The following VSIR variants were observed in gnomAD, a reference collection of about 807,000 sequenced individuals.
The protein encoded by VSIR is V-type immunoglobulin domain-containing suppressor of T-cell activation.
In VSIR, 10 loss-of-function variants were observed where a neutral mutation model predicts 31.0. The ratio of observed to expected loss-of-function variants is 0.32; its 90% CI spans 0.20 to 0.55. The LOEUF (loss-of-function observed/expected upper bound fraction) is 0.55. Among genes scored for constraint, VSIR ranks in the 20% least tolerant of loss-of-function variants. The pLI is 0.93. For synonymous variants in VSIR, 179 were observed against 180.1 expected (o/e 0.99, Z 0.05); for missense variants, 356 against 416.2 (o/e 0.86, Z 1.26).
Position 71,755,441 on chromosome 10 carries a change from C to T in VSIR, c.594G>A (p.Thr198=), listed in dbSNP as rs139011277. 26 of 1,612,602 alleles carry T rather than the reference C, an allele frequency of 1.6e-5. No individual in the cohort carries two copies. The highest frequency in any genetic ancestry group is 8.9e-5 in the East Asian group (4 of 44,846). Residue 198 remains threonine, a synonymous_variant, in exon 4 of 7, where the codon ACG becomes ACA. Coordinates refer to ENST00000394957, the MANE Select transcript of VSIR (RefSeq NM_022153.2). ...SENITAAALA[T]GACIVGILCL... is the part of the protein sequence containing the mutation. ...AGAGGATTCCTACGATGCAGGCACCCGTAGCCAGGGCTGCAGCCGTGATGT... is the reference window on the plus strand; with the variant it reads ...AGAGGATTCCTACGATGCAGGCACCTGTAGCCAGGGCTGCAGCCGTGATGT...
At chr10:71,761,316 T>A (rs1840377742) in intron 2 of VSIR, among the ~76,000 whole-genome samples, 1 of 152,196 alleles carries the variant, frequency 6.6e-6, no homozygotes, top group Admixed American at 6.5e-5. Context: ...GATGTCATCA[T>A]GAGCAGTCAC....
Position 71,761,622 on chromosome 10 carries a change from C to A in VSIR, c.487G>T (p.Ala163Ser). ...CCTGTCTGCACCTGCAGCTCCATGG[C>A]ACCATGGACCCTGTGCTCCGAGTGG... ...HHHSEHRVHG[A>S]MELQVQTGKD... The change falls in exon 2 of 7, where the codon GCC (alanine) becomes TCC (serine). Residue 163 changes from alanine (A) to serine (S), a missense_variant. Ala to Ser is a moderately conservative substitution (Grantham distance 99). Around this residue, in one of 2 missense-constraint regions of VSIR, gnomAD observed 166 missense variants for 231.0 expected, o/e 0.72. Transcript: ENST00000394957. 1.2e-6 allele frequency: 2 copies of A among 1,600,932 alleles called. No individual in the cohort carries two copies. Among genetic ancestry groups the A allele is most frequent in the Non-Finnish European group, 1.7e-6 (2 of 1,172,732 alleles).
Position 71,773,372 on chromosome 10 carries a change from A to C in VSIR, c.68T>G (p.Leu23Arg), listed in dbSNP as rs1840732071. 1 of 1,609,474 alleles carries C rather than the reference A, an allele frequency of 6.2e-7. No individual in the cohort carries two copies. The highest frequency in any genetic ancestry group is 1.7e-5 in the Admixed American group (1 of 59,646). The stretch of plus-strand genomic sequence containing the variant: ...CCCGACCTTACCTAGGGACGCAGCC[A>C]GGAAGAGAGCGAAGAGCAGGGATCC... ...RWGSLLFALF[L>R]AASLGPVAAF... The change falls in exon 1 of 7, where the codon CTG becomes CGG. Residue 23 changes from leucine (L) to arginine (R), a missense_variant. Physicochemically the swap from Leu to Arg is moderately radical, Grantham distance 102. Around this residue, in one of 2 missense-constraint regions of VSIR, gnomAD observed 166 missense variants for 231.0 expected, o/e 0.72. Transcript: ENST00000394957.
intron 3 of VSIR, among the ~76,000 whole-genome samples, chr10:71,758,537 C>T (rs899496280): frequency 7.2e-5 from 11 of 152,310 alleles, no homozygotes; most frequent in Middle Eastern, 3.4e-3. Context: ...TGGCAAGCAC[C>T]GGGGGGCTAA....
intron 3 of VSIR, among the ~76,000 whole-genome samples, chr10:71,759,964 T>TACATACATATATATACACACACAC (rs1840281567): frequency 3.4e-5 from 2 of 59,436 alleles, no homozygotes; most frequent in African/African-American, 9.4e-5. Context: ...TACACACACA[T>TACATACATATATATACACACACAC]ATATATACAC....
rs763996933 is a variant in VSIR at position 71,752,991 on chromosome 10, G to T, written c.688C>A (p.Leu230Met). The T allele has an allele frequency of 3.1e-6, 5 of 1,613,054 alleles. No individual in the cohort carries two copies. Among genetic ancestry groups the T allele is most frequent in the Non-Finnish European group, 3.4e-6 (4 of 1,179,458 alleles). ...QAASNRRAQELVRMDSNIQGI... is the reference protein window; with the variant it reads ...QAASNRRAQEMVRMDSNIQGI... ...GGGCCTTACCTGTCCATCCGCACCA[G>T]CTCCTGGGCACCTAGGGACAGACAG... Residue 230 changes from leucine (L) to methionine (M), a missense_variant, in exon 5 of 7, where the codon CTG (leucine) becomes ATG (methionine). By Grantham distance (15) the Leu-to-Met change is conservative. Around this residue, in one of 2 missense-constraint regions of VSIR, gnomAD observed 190 missense variants for 185.2 expected, o/e 1.03. Coordinates refer to ENST00000394957, the MANE Select transcript of VSIR (RefSeq NM_022153.2).
At chr10:71,764,919 A>AC (rs1265431063) in intron 1 of VSIR, among the ~76,000 whole-genome samples, 2 of 152,088 alleles carry the variant, frequency 1.3e-5, no homozygotes, top group African/African-American at 4.8e-5. Context: ...CACTGCCCTT[A>AC]CCCCTGCAGC....
At chr10:71,768,162 T>TTGC (rs1438361218) in intron 1 of VSIR, among the ~76,000 whole-genome samples, 1 of 152,192 alleles carries the variant, frequency 6.6e-6, no homozygotes, top group Non-Finnish European at 1.5e-5. Context: ...GTTGGCTTTG[T>TTGC]TGCTGTTGTT....
At chr10:71,772,316 G>A (rs551593490) in intron 1 of VSIR, among the ~76,000 whole-genome samples, 2 of 152,214 alleles carry the variant, frequency 1.3e-5, no homozygotes, top group African/African-American at 2.4e-5. Context: ...ATTCCATCCT[G>A]CCCACTGGGT....
chr10:71,752,274 C>A (rs973679120), intron 5 of VSIR, among the ~76,000 whole-genome samples: 1 of 152,246 alleles, frequency 6.6e-6, no homozygotes, highest in African/African-American at 2.4e-5. Flanking sequence ...GGGTTCTCTT[C>A]TCTTCCCAGT....
intron 1 of VSIR, among the ~76,000 whole-genome samples, chr10:71,770,444 GCCCTGGCATGCATGT>G (rs59707055): frequency 0.6 from 91,483 of 151,914 alleles, 28,302 homozygotes; most frequent in Non-Finnish European, 0.69. Flanking sequence ...CTGTACGGAA[GCCCTGGCATGCATGT>G]CCCTGGCTTT....
At chr10:71,764,877 T>C (rs113959436) in intron 1 of VSIR, among the ~76,000 whole-genome samples, 25 of 152,306 alleles carry the variant, frequency 1.6e-4, no homozygotes, top group African/African-American at 5.8e-4. Context: ...AGCCTGGCAG[T>C]GCAGGGACTA....
intron 2 of VSIR, among the ~76,000 whole-genome samples, chr10:71,761,317 G>A (rs1238204727): frequency 6.6e-6 from 1 of 152,178 alleles, no homozygotes; most frequent in Admixed American, 6.5e-5. Flanking sequence ...ATGTCATCAT[G>A]AGCAGTCACA....
Position 71,751,942 on chromosome 10 carries a change from C to A in VSIR, c.705-81G>T. On this transcript the variant is annotated intron_variant, in intron 5 of 6. Transcript: ENST00000394957. The surrounding 1 kb of genome is among the most constrained non-coding windows in gnomAD (Gnocchi z 4.9). ...CCTCCCTGCCCCCAGTTTTTCTCTC[C>A]TCCCTTTCTCTCACCTACATCCCCA... is the stretch of plus-strand genomic sequence containing the variant. 1 of 1,363,198 alleles carries A rather than the reference C, an allele frequency of 7.3e-7. No individual in the cohort carries two copies. Among genetic ancestry groups the A allele is most frequent in the Non-Finnish European group, 1.0e-6 (1 of 989,256 alleles). The allele number at this position is 1,363,198 out of a possible 1,614,324, so 84.4% of individuals were successfully genotyped here. A position where few individuals can be genotyped will look rare whatever the true frequency, so the allele number is the denominator to read the frequency against.
Position 71,759,846 on chromosome 10 carries a change from C to CACAT in VSIR, c.568+1021_568+1022insATGT, listed in dbSNP as rs776230069. On this transcript the variant is annotated intron_variant, in intron 3 of 6. Transcript: ENST00000394957. ...ACACACACACACACACACACACACA[C>CACAT]ATATACACACACACACACATATATA... 6.2e-4 allele frequency among the ~76,000 whole-genome samples: 37 copies of CACAT among 59,964 alleles called. 1 individual carries two copies. The highest frequency in any genetic ancestry group is 1.7e-3 in the South Asian group (3 of 1,758). The allele number at this position is 59,964 out of a possible 152,430, so 39.3% of individuals were successfully genotyped here.
chr10:71,754,500 C>G (rs1466293547), intron 4 of VSIR, among the ~76,000 whole-genome samples: 1 of 152,166 alleles, frequency 6.6e-6, no homozygotes, highest in African/African-American at 2.4e-5. Flanking sequence ...AAAAAACTCC[C>G]TAGCCCCTTC....
At chr10:71,769,986 C>T (rs1194750098) in intron 1 of VSIR, among the ~76,000 whole-genome samples, 1 of 152,192 alleles carries the variant, frequency 6.6e-6, no homozygotes, top group Admixed American at 6.5e-5. Context: ...AACCTGTAGG[C>T]ACCTCCATGG....
In VSIR at chr10:71,773,383, G is replaced by A. The variant is rs1447953206; in HGVS notation, c.57C>T (p.Phe19=). 2.5e-6 allele frequency: 4 copies of A among 1,610,188 alleles called. No homozygotes were observed. The highest frequency in any genetic ancestry group is 2.2e-5 in the South Asian group (2 of 90,500). Reference sequence around the variant, plus strand: ...CTAGGGACGCAGCCAGGAAGAGAGCGAAGAGCAGGGATCCCCAGCGCCAGC... The same window carrying A: ...CTAGGGACGCAGCCAGGAAGAGAGCAAAGAGCAGGGATCCCCAGCGCCAGC... ...AGSWRWGSLL[F]ALFLAASLGP... Residue 19 remains phenylalanine, a synonymous_variant, in exon 1 of 7, where the codon TTC becomes TTT. Coordinates refer to ENST00000394957, the MANE Select transcript of VSIR (RefSeq NM_022153.2).
intron 1 of VSIR, among the ~76,000 whole-genome samples, chr10:71,764,405 G>GA (rs546257834): frequency 8.8e-4 from 134 of 151,920 alleles, no homozygotes; most frequent in Non-Finnish European, 1.3e-3. Context: ...CTATACTGAT[G>GA]AAAAAAAAGG....
Sources: gnomAD v4.1 joint callset for allele counts (sites outside exome capture counted in the v4.1 genomes callset) on GRCh38, gnomAD v4.1.1 for gene constraint, gnomAD v4.1.1 regional missense constraint, Gnocchi (gnomAD v3.1) non-coding constraint, MANE v1.5 for transcripts, NCBI Gene and HGNC (gene_info 2026-07-23, HGNC 2026-07-21) for gene names.